COL1A2: variants seen among roughly 807,000 people sequenced by gnomAD.
The protein encoded by COL1A2 is collagen alpha-2(I) chain.
A neutral mutation model predicts 174.3 loss-of-function variants in COL1A2; 49 were observed. The observed-to-expected ratio is 0.28, with a 90% CI of 0.22 to 0.36. The LOEUF is 0.36. Among genes scored for constraint, COL1A2 ranks in the 10% least tolerant of loss-of-function variants. The pLI is 1.00. For missense variants in COL1A2, 1,438 were observed against 1,822.7 expected, an observed-to-expected ratio of 0.79 and a Z score of 3.84; for synonymous variants, 655 against 606.6, an observed-to-expected ratio of 1.08 and a Z score of -1.17.
intron 19 of COL1A2, 132 bp from the exon 20 acceptor site, chr7:94,410,110 A>G (rs1365559998): frequency 1.1e-6 from 1 of 922,234 alleles, no homozygotes; most frequent in Non-Finnish European, 1.7e-6. Context: ...CAATTTAAAT[A>G]TGAACAGGGT....
rs1441108318 is a variant in COL1A2 at position 94,420,589 on chromosome 7, C to T, written c.2236C>T (p.Pro746Ser). Residue 746 changes from proline (P) to serine (S), a missense_variant, in exon 37 of 52, where the codon CCT (proline) becomes TCT (serine). By Grantham distance (74) the Pro-to-Ser change is moderately conservative (BLOSUM62 -1). Coordinates refer to ENST00000297268, the MANE Select transcript of COL1A2 (RefSeq NM_000089.4). Reference protein sequence around the residue: ...GAKGERGAKGPKGENGVVGPT... With the variant: ...GAKGERGAKGSKGENGVVGPT... ...TAAAGGAGAAAGAGGAGCCAAAGGG[C>T]CTAAGGGTGAAAACGGTGTTGTTGG... is the stretch of plus-strand genomic sequence containing the variant. The T allele has an allele frequency of 6.2e-7, 1 of 1,613,094 alleles. No individual in the cohort carries two copies. The highest frequency in any genetic ancestry group is 1.3e-5 in the African/African-American group (1 of 74,882).
rs564889911 is a variant in COL1A2, at chr7:94,429,671, T to C, written c.3954+241T>C. 4 of 475,656 alleles carry C rather than the reference T, an allele frequency of 8.4e-6. No homozygotes were observed. In the Admixed American group the frequency reaches 1.5e-4, roughly 17 times the overall value. 29.5% of individuals were successfully genotyped at this position (475,656 alleles called of 1,614,324 possible). On this transcript the variant is annotated intron_variant, in intron 51 of 51. Coordinates refer to ENST00000297268, the MANE Select transcript of COL1A2 (RefSeq NM_000089.4). The stretch of plus-strand genomic sequence containing the variant: ...AGTATTCTTATCAGATAGTGCCTTC[T>C]GAAATGCTGAAATGTATACTATGTC...
intron 51 of COL1A2, 135 bp downstream of exon 51, chr7:94,429,565 T>A: frequency 1.2e-6 from 1 of 844,302 alleles, no homozygotes; most frequent in Non-Finnish European, 1.9e-6. Context: ...ATTTCATAAG[T>A]AAATTCAGTT....
In COL1A2 at chr7:94,397,773, T is replaced by C. The variant is rs758384218; in HGVS notation, c.81+15T>C. 33 of 1,291,210 alleles carry C rather than the reference T, an allele frequency of 2.6e-5. No homozygotes were observed. Among genetic ancestry groups the C allele is most frequent in the Middle Eastern group, 1.9e-4 (1 of 5,276 alleles). The allele number at this position is 1,291,210 out of a possible 1,614,324, so 80.0% of individuals were successfully genotyped here. A position where few individuals can be genotyped will look rare whatever the true frequency, so the allele number is the denominator to read the frequency against. ...CTTTACAAGAGGTGAGTAAAACTTT[T>C]TTTAGAATTTTTAAAAATACTTTGA... is the stretch of plus-strand genomic sequence containing the variant. On this transcript the variant is annotated intron_variant, in intron 2 of 51. Coordinates refer to ENST00000297268, the MANE Select transcript of COL1A2 (RefSeq NM_000089.4).
rs772672797 is a variant in COL1A2, at chr7:94,406,302, A to G, written c.593A>G (p.Lys198Arg). 17 of 1,613,782 alleles carry G rather than the reference A, an allele frequency of 1.1e-5. No homozygotes were observed. In the East Asian group the frequency reaches 1.6e-4, roughly 15 times the overall value. The change falls in exon 12 of 52, where the codon AAG becomes AGG. Residue 198 changes from lysine to arginine, a missense_variant and splice_region_variant. Physicochemically the swap from Lys to Arg is conservative, Grantham distance 26. This residue lies in a region of COL1A2 where 281 missense variants were observed against 310.9 expected (regional missense o/e 0.90). Coordinates refer to ENST00000297268, the MANE Select transcript of COL1A2 (RefSeq NM_000089.4). ...LKGQPGAPGV[K>R]GEPGAPGENG... Reference sequence around the variant, plus strand: ...GGACAGCCCGGTGCTCCTGGTGTGAAGGTAAATATTAAATTAGAAGCACTG... The same window carrying G: ...GGACAGCCCGGTGCTCCTGGTGTGAGGGTAAATATTAAATTAGAAGCACTG...
At position 94,401,692 on chromosome 7, in the gene COL1A2, C is replaced by T. The variant is rs919576001; in HGVS notation, c.279+72C>T. ...ATTCATTTTATGTCACATTTTACCACGCCATTTATTTAGCTACCTAAGTTA... is the reference window on the plus strand; with the variant it reads ...ATTCATTTTATGTCACATTTTACCATGCCATTTATTTAGCTACCTAAGTTA... On this transcript the variant is annotated intron_variant, in intron 6 of 51. Coordinates refer to ENST00000297268, the MANE Select transcript of COL1A2 (RefSeq NM_000089.4). 46 of 1,153,120 alleles carry T rather than the reference C, an allele frequency of 4.0e-5. No individual in the cohort carries two copies. In the South Asian group the frequency reaches 5.4e-4, roughly 14 times the overall value. The allele number at this position is 1,153,120 out of a possible 1,614,324, so 71.4% of individuals were successfully genotyped here.
intron 16 of COL1A2, 125 bp downstream of exon 16, chr7:94,408,948 CA>C: frequency 1.1e-6 from 1 of 923,160 alleles, no homozygotes; most frequent in South Asian, 1.4e-5. Flanking sequence ...TCCTTCCCTT[CA>C]AAATGGACAT....
chr7:94,398,317 G>T, intron 2 of COL1A2, 65 bp from the exon 3 acceptor site: 1 of 540,910 alleles, frequency 1.8e-6, no homozygotes, highest in Non-Finnish European at 3.0e-6. Context: ...CACCAAAATG[G>T]AAGCTGTTTT....
At chr7:94,406,560 C>A (rs1791801796) in intron 12 of COL1A2, among the ~76,000 whole-genome samples, 1 of 152,070 alleles carries the variant, frequency 6.6e-6, no homozygotes, top group African/African-American at 2.4e-5. Flanking sequence ...TGTTCCATTT[C>A]CTTTCCTCCC....
In COL1A2 at chr7:94,421,874, G is replaced by A. The variant is rs568518937; in HGVS notation, c.2350-25G>A. ...ATTCTTGGAGTTGATGTTGACTGTG[G>A]AATTCTAATGTGCTTGGCTCTTAGG... On this transcript the variant is annotated intron_variant, in intron 38 of 51. Transcript: ENST00000297268. 2.9e-5 allele frequency: 46 copies of A among 1,600,512 alleles called. No homozygotes were observed. In the South Asian group the frequency reaches 4.8e-4, roughly 17 times the overall value.
intron 51 of COL1A2, 76 bp downstream of exon 51, chr7:94,429,506 G>T (rs147697282): frequency 1.9e-6 from 3 of 1,563,262 alleles, no homozygotes; most frequent in African/African-American, 2.7e-5. Context: ...GCCCCCAAGG[G>T]GGGGTCTAAA....
rs529581334 is a variant in COL1A2, at chr7:94,429,618, C to T, written c.3954+188C>T. 1.7e-4 allele frequency: 97 copies of T among 582,124 alleles called. 1 individual carries two copies. In the South Asian group the frequency reaches 2.0e-3, roughly 12 times the overall value. 36.1% of individuals were successfully genotyped at this position (582,124 alleles called of 1,614,324 possible). ...TTTATTTATTTATACGTATTAATTT[C>T]GTACTTAAATTCAGATGATAAATTC... is the stretch of plus-strand genomic sequence containing the variant. On this transcript the variant is annotated intron_variant, in intron 51 of 51. Transcript: ENST00000297268.
At chr7:94,413,538 G>A (rs1791976282) in intron 26 of COL1A2, 152 bp from the exon 27 acceptor site, 1 of 750,706 alleles carries the variant, frequency 1.3e-6, no homozygotes, top group Non-Finnish European at 2.3e-6. Flanking sequence ...AAAGTTAGTA[G>A]GCAGTATTTG....
chr7:94,423,872 C>T (rs959978954), intron 40 of COL1A2: 16 of 189,036 alleles, frequency 8.5e-5, no homozygotes, highest in Admixed American at 4.3e-4. Context: ...TGGGATTACA[C>T]ATGTGAGCCA....
At chr7:94,428,563 C>T (rs1792335329) in intron 50 of COL1A2, 86 bp downstream of exon 50, 2 of 1,289,078 alleles carry the variant, frequency 1.6e-6, no homozygotes, top group East Asian at 2.5e-5. Flanking sequence ...TAATCTCTGA[C>T]AAAAATGGGC....
intron 20 of COL1A2, 54 bp from the exon 21 acceptor site, chr7:94,410,366 T>A: frequency 6.3e-7 from 1 of 1,586,720 alleles, no homozygotes; most frequent in Middle Eastern, 1.8e-4. Context: ...CAGCTGGACA[T>A]AGTATTAAAA....
intron 6 of COL1A2, among the ~76,000 whole-genome samples, chr7:94,403,631 T>C (rs535863515): frequency 1.1e-3 from 161 of 152,288 alleles, no homozygotes; most frequent in African/African-American, 3.8e-3. Flanking sequence ...TAAAATGACA[T>C]ACATTTTAGA....
intron 26 of COL1A2, 26 bp downstream of exon 26, chr7:94,413,162 T>G (rs759036145): frequency 6.2e-7 from 1 of 1,607,436 alleles, no homozygotes. Flanking sequence ...TGTACAGATC[T>G]ATTCACATAG....
At chr7:94,408,053 G>T in intron 13 of COL1A2, 130 bp from the exon 14 acceptor site, 1 of 1,206,594 alleles carries the variant, frequency 8.3e-7, no homozygotes, top group Non-Finnish European at 1.2e-6. Flanking sequence ...CTGTTTAGTT[G>T]GAATTAGAAG....
Sources: gnomAD v4.1 joint callset for allele counts (sites outside exome capture counted in the v4.1 genomes callset) on GRCh38, gnomAD v4.1.1 for gene constraint, gnomAD v4.1.1 regional missense constraint, MANE v1.5 for transcripts, NCBI Gene and HGNC (gene_info 2026-07-23, HGNC 2026-07-21) for gene names.